The following SHISA9 variants were observed in gnomAD, a reference collection of about 807,000 sequenced individuals.
The protein encoded by SHISA9 is protein shisa-9.
SHISA9 carries 13 observed loss-of-function variants against 38.0 expected under a neutral mutation model. That is an observed-to-expected ratio of 0.34 (90% CI 0.22 to 0.54). The LOEUF is 0.54. SHISA9 is among the 20% of genes least tolerant of loss of function. SHISA9 has a pLI of 0.91. For synonymous variants in SHISA9, 275 were observed against 242.0 expected, an observed-to-expected ratio of 1.14 and a Z score of -1.27; for missense variants, 538 against 575.8, an observed-to-expected ratio of 0.93 and a Z score of 0.67.
intron 2 of SHISA9, among the ~76,000 whole-genome samples, chr16:13,008,317 C>T (rs1411049442): frequency 2.0e-5 from 3 of 152,172 alleles, no homozygotes; most frequent in Non-Finnish European, 4.4e-5. Flanking sequence ...CATCCCCACT[C>T]CTGAACTGGG....
chr16:13,512,898 T>C, the SHISA9 span, among the ~76,000 whole-genome samples: 1 of 152,076 alleles, frequency 6.6e-6, no homozygotes, highest in African/African-American at 2.4e-5. Flanking sequence ...CCCAAAACTA[T>C]AAAAACCCTG....
chr16:13,124,190 A>C, intron 2 of SHISA9, among the ~76,000 whole-genome samples: 1 of 152,172 alleles, frequency 6.6e-6, no homozygotes, highest in East Asian at 1.9e-4. Flanking sequence ...TTACCTCTTA[A>C]AGCCTGACAG....
chr16:12,913,058 C>G (rs1280012220), intron 1 of SHISA9, among the ~76,000 whole-genome samples: 1 of 148,748 alleles, frequency 6.7e-6, no homozygotes, highest in African/African-American at 2.6e-5. Context: ...CTATTTGTAA[C>G]TTAAAAAAAA....
intron 2 of SHISA9, among the ~76,000 whole-genome samples, chr16:13,121,653 A>G (rs1367640478): frequency 1.3e-5 from 2 of 152,130 alleles, no homozygotes; most frequent in African/African-American, 2.4e-5. Flanking sequence ...TGAATAAGCA[A>G]TATCTGCTCT....
At chr16:12,960,420 T>A (rs1169713441) in intron 2 of SHISA9, among the ~76,000 whole-genome samples, 1 of 152,142 alleles carries the variant, frequency 6.6e-6, no homozygotes, top group Non-Finnish European at 1.5e-5. Flanking sequence ...TAGTGGATAT[T>A]TACTCAAAGG....
chr16:13,174,339 T>A (rs1045472832), intron 2 of SHISA9, among the ~76,000 whole-genome samples: 1 of 152,154 alleles, frequency 6.6e-6, no homozygotes, highest in Non-Finnish European at 1.5e-5. Context: ...CTCCTCCTCA[T>A]GTACCTTGCA....
At chr16:12,947,442 G>T (rs898847319) in intron 2 of SHISA9, among the ~76,000 whole-genome samples, 2 of 152,098 alleles carry the variant, frequency 1.3e-5, no homozygotes, top group African/African-American at 4.8e-5. Context: ...TAATTATTTG[G>T]AGCAGCTATA....
chr16:12,984,852 G>T (rs1353726565), intron 2 of SHISA9, among the ~76,000 whole-genome samples: 1 of 152,172 alleles, frequency 6.6e-6, no homozygotes, highest in Non-Finnish European at 1.5e-5. Flanking sequence ...AGTCTGTACG[G>T]CCTGAGGTGC....
At chr16:13,234,976 C>G (rs2051366846) in intron 4 of SHISA9, 54 bp from the exon 5 acceptor site, 15 of 1,486,640 alleles carry the variant, frequency 1.0e-5, no homozygotes, top group Admixed American at 2.2e-5. Context: ...CTCTCTCTCT[C>G]TCTCTCTCTC....
the SHISA9 span, among the ~76,000 whole-genome samples, chr16:13,440,322 C>T: frequency 6.6e-6 from 1 of 152,346 alleles, no homozygotes; most frequent in East Asian, 1.9e-4. Flanking sequence ...GCAATAGAGC[C>T]TCATCTGCTT....
chr16:12,910,597 A>C (rs1194041509), intron 1 of SHISA9: 1 of 985,328 alleles, frequency 1.0e-6, no homozygotes, highest in Admixed American at 6.1e-5. Flanking sequence ...AGTCATTTCA[A>C]CCTCAAAAAT....
At chr16:12,952,844 T>G (rs2071777272) in intron 2 of SHISA9, among the ~76,000 whole-genome samples, 1 of 152,174 alleles carries the variant, frequency 6.6e-6, no homozygotes, top group African/African-American at 2.4e-5. Context: ...AGGGAGTAGC[T>G]TTATAGCACT....
At chr16:13,550,706 A>C in the SHISA9 span, among the ~76,000 whole-genome samples, 1 of 152,234 alleles carries the variant, frequency 6.6e-6, no homozygotes, top group Non-Finnish European at 1.5e-5. Flanking sequence ...AATGTTAGTA[A>C]GTATTCACTG....
chr16:12,995,055 TA>T (rs759148687), intron 2 of SHISA9, among the ~76,000 whole-genome samples: 82 of 151,642 alleles, frequency 5.4e-4, no homozygotes, highest in African/African-American at 1.3e-3. Flanking sequence ...TTTTTTTTTT[TA>T]AAATAAAAAA....
At chr16:13,325,700 G>A in the SHISA9 span, among the ~76,000 whole-genome samples, 6 of 152,084 alleles carry the variant, frequency 3.9e-5, no homozygotes, top group East Asian at 7.7e-4. Context: ...CAATCCTTAC[G>A]CCATGGAACA....
chr16:13,283,797 T>C, the SHISA9 span, among the ~76,000 whole-genome samples: 1 of 152,086 alleles, frequency 6.6e-6, no homozygotes, highest in African/African-American at 2.4e-5. Context: ...GTTAATGATG[T>C]GTTAACAAGA....
intron 1 of SHISA9, among the ~76,000 whole-genome samples, chr16:12,914,170 C>T (rs536995902): frequency 4.0e-5 from 6 of 151,610 alleles, no homozygotes; most frequent in South Asian, 4.2e-4. Context: ...CTCAGCCTCC[C>T]GAGTAGCTGG....
the SHISA9 span, among the ~76,000 whole-genome samples, chr16:13,395,356 A>G: frequency 6.6e-6 from 1 of 152,202 alleles, no homozygotes; most frequent in Non-Finnish European, 1.5e-5. Flanking sequence ...ATGACTTAAA[A>G]CAGCACCAAC....
rs1272926642 is a variant in SHISA9, at chr16:13,195,640, C to T, written c.692-7754C>T. On this transcript the variant is annotated intron_variant, in intron 2 of 4. Coordinates refer to ENST00000558583, the MANE Select transcript of SHISA9 (RefSeq NM_001145204.3). The stretch of plus-strand genomic sequence containing the variant: ...TAATTTTATAGAGGAGAAATCTGTC[C>T]AACACTTCCTAAGCCAGGCAATAGT... Among the ~76,000 whole-genome samples, 4 of 152,042 alleles carry T rather than the reference C, an allele frequency of 2.6e-5. No individual in the cohort carries two copies. In the South Asian group the frequency reaches 8.3e-4, roughly 32 times the overall value.
Sources: allele counts gnomAD v4.1 joint callset (sites outside exome capture counted in the v4.1 genomes callset), GRCh38; gene constraint gnomAD v4.1.1; transcripts MANE v1.5; gene names NCBI Gene and HGNC (gene_info 2026-07-23, HGNC 2026-07-21).